FBXL17: variants seen among roughly 807,000 people sequenced by gnomAD.
FBXL17 encodes the protein F-box and leucine rich repeat protein 17.
A neutral mutation model predicts 66.2 loss-of-function variants in FBXL17; 22 were observed. The observed-to-expected ratio is 0.33, with a 90% confidence interval of 0.24 to 0.47. The LOEUF (loss-of-function observed/expected upper bound fraction) is 0.47, where lower values mean the gene tolerates loss of function less well. Among genes scored for constraint, FBXL17 ranks in the 20% least tolerant of loss-of-function variants. The probability of loss-of-function intolerance (pLI) is 1.00; values close to 1 mark genes in which losing one functional copy is unlikely to be tolerated. For missense variants in FBXL17, 878 were observed against 948.2 expected (o/e 0.93, Z 0.97); for synonymous variants, 474 against 400.5 (o/e 1.18, Z -2.19).
At chr5:108,179,974 T>C (rs1242890905) in intron 6 of FBXL17, among the ~76,000 whole-genome samples, 1 of 152,144 alleles carries the variant, frequency 6.6e-6, no homozygotes, top group Admixed American at 6.5e-5. Flanking sequence ...GAACAGTCCA[T>C]TCATCATCCT....
chr5:108,201,228 C>T lies in FBXL17; in HGVS notation c.1615-14981G>A, dbSNP rs184961342. Among the ~76,000 whole-genome samples, 90 of 152,240 alleles carry T rather than the reference C, an allele frequency of 5.9e-4. 1 individual carries two copies. The highest frequency in any genetic ancestry group is 4.7e-4 in the Non-Finnish European group (32 of 68,006). ...CTTTCGTTCATCAGTATAGACTTCA[C>T]ACAACATTAAACAAAATTGCAAAGA... On this transcript the variant is annotated intron_variant, in intron 5 of 8. Coordinates refer to ENST00000542267, the MANE Select transcript of FBXL17 (RefSeq NM_001163315.3).
At chr5:108,214,294 C>T (rs1186343592) in intron 5 of FBXL17, among the ~76,000 whole-genome samples, 2 of 151,684 alleles carry the variant, frequency 1.3e-5, no homozygotes, top group African/African-American at 2.4e-5. Flanking sequence ...GGGGGAATTA[C>T]TGTATATGTC....
chr5:108,314,402 A>G (rs951399822), intron 4 of FBXL17, among the ~76,000 whole-genome samples: 1 of 151,686 alleles, frequency 6.6e-6, no homozygotes, highest in Admixed American at 6.6e-5. Flanking sequence ...GTGAAAACAT[A>G]AAATTCCTAA....
At chr5:108,040,400 T>C (rs1354291788) in intron 6 of FBXL17, among the ~76,000 whole-genome samples, 1 of 152,160 alleles carries the variant, frequency 6.6e-6, no homozygotes, top group Non-Finnish European at 1.5e-5. Context: ...CCACCATATA[T>C]GACCTAAAGT....
intron 7 of FBXL17, among the ~76,000 whole-genome samples, chr5:107,900,644 T>C (rs1312733108): frequency 6.6e-6 from 1 of 151,974 alleles, no homozygotes; most frequent in Non-Finnish European, 1.5e-5. Flanking sequence ...AAATTATTTG[T>C]GTGCATTAAA....
chr5:108,171,398 GCTAT>G (rs1752600617), intron 6 of FBXL17, among the ~76,000 whole-genome samples: 1 of 152,098 alleles, frequency 6.6e-6, no homozygotes. Flanking sequence ...CTCTGCACTT[GCTAT>G]CTGTGATCTT....
chr5:108,228,457 T>A (rs2150082077), intron 4 of FBXL17, among the ~76,000 whole-genome samples: 1 of 152,294 alleles, frequency 6.6e-6, no homozygotes, highest in South Asian at 2.1e-4. Flanking sequence ...TGTGTGATTT[T>A]CAACAAGTCA....
intron 6 of FBXL17, among the ~76,000 whole-genome samples, chr5:108,099,122 G>A (rs1411985222): frequency 6.6e-6 from 1 of 152,060 alleles, no homozygotes; most frequent in Non-Finnish European, 1.5e-5. Flanking sequence ...AGCTTTTCCA[G>A]TGGGAATCCA....
chr5:108,147,115 A>T (rs1209688792), intron 6 of FBXL17, among the ~76,000 whole-genome samples: 2 of 152,168 alleles, frequency 1.3e-5, no homozygotes, highest in Non-Finnish European at 2.9e-5. Flanking sequence ...ACTTCCCAAA[A>T]GTCTCTACCT....
chr5:108,370,922 G>A (rs764598742), intron 1 of FBXL17, among the ~76,000 whole-genome samples: 2 of 151,912 alleles, frequency 1.3e-5, no homozygotes, highest in Non-Finnish European at 1.5e-5. Context: ...ATTGTGGAAG[G>A]GTGCCAAAAT....
chr5:108,312,551 C>A (rs962960466), intron 4 of FBXL17, among the ~76,000 whole-genome samples: 1 of 151,816 alleles, frequency 6.6e-6, no homozygotes, highest in Non-Finnish European at 1.5e-5. Flanking sequence ...CTTTTATAAA[C>A]CTAAGTTACA....
chr5:107,909,814 T>C (rs964689234), intron 7 of FBXL17, among the ~76,000 whole-genome samples: 6 of 152,180 alleles, frequency 3.9e-5, no homozygotes, highest in Non-Finnish European at 5.9e-5. Flanking sequence ...AGCCTCACTC[T>C]TGAAGCACTG....
intron 8 of FBXL17, among the ~76,000 whole-genome samples, chr5:107,870,327 C>T (rs1235976176): frequency 6.6e-6 from 1 of 152,134 alleles, no homozygotes; most frequent in Non-Finnish European, 1.5e-5. Flanking sequence ...CTTATTAGCC[C>T]TTCTTTTTTC....
At chr5:108,001,154 A>G (rs1285876079) in intron 7 of FBXL17, among the ~76,000 whole-genome samples, 1 of 152,218 alleles carries the variant, frequency 6.6e-6, no homozygotes, top group Non-Finnish European at 1.5e-5. Flanking sequence ...GTGGTAGTAC[A>G]CGTTGCTAGC....
At chr5:107,869,923 G>A (rs1748392502) in intron 8 of FBXL17, among the ~76,000 whole-genome samples, 1 of 152,294 alleles carries the variant, frequency 6.6e-6, no homozygotes, top group East Asian at 1.9e-4. Flanking sequence ...TATGATAAAT[G>A]TTTACTGACA....
At position 108,319,144 on chromosome 5, in the gene FBXL17, A is replaced by G. The variant is rs1206241458; in HGVS notation, c.1506+29255T>C. Among the ~76,000 whole-genome samples the G allele has an allele frequency of 2.0e-5, 3 of 151,896 alleles. No homozygotes were observed. In the East Asian group the frequency reaches 5.8e-4, roughly 29 times the overall value. On this transcript the variant is annotated intron_variant, in intron 4 of 8. Transcript: ENST00000542267. Reference sequence around the variant, plus strand: ...TAAATAAGCCATTCCACTTAAACTTATTTATCTTCTGTGTAATAGTGTTAA... The same window carrying G: ...TAAATAAGCCATTCCACTTAAACTTGTTTATCTTCTGTGTAATAGTGTTAA...
chr5:107,963,132 A>C lies in FBXL17; in HGVS notation c.1822+57793T>G, dbSNP rs1024788833. On this transcript the variant is annotated intron_variant, in intron 7 of 8. Transcript: ENST00000542267. ...TAAGATTCTGGTGTCCTGATCTTTTACTAAAGTACTCATATTTTATAAACT... is the reference window on the plus strand; with the variant it reads ...TAAGATTCTGGTGTCCTGATCTTTTCCTAAAGTACTCATATTTTATAAACT... 2.4e-4 allele frequency among the ~76,000 whole-genome samples: 37 copies of C among 152,288 alleles called. 1 individual carries two copies. The highest frequency in any genetic ancestry group is 8.9e-4 in the African/African-American group (37 of 41,582).
intron 1 of FBXL17, among the ~76,000 whole-genome samples, chr5:108,369,717 C>T (rs1748905635): frequency 6.6e-6 from 1 of 151,796 alleles, no homozygotes; most frequent in African/African-American, 2.4e-5. Flanking sequence ...CAATACAAAT[C>T]TTGGAAAATT....
intron 6 of FBXL17, among the ~76,000 whole-genome samples, chr5:108,155,576 T>C (rs894249278): frequency 1.3e-5 from 2 of 152,012 alleles, no homozygotes; most frequent in Admixed American, 1.3e-4. Flanking sequence ...CTAGGAGGGG[T>C]AAAACTCTCT....
Sources: allele counts gnomAD v4.1 joint callset (sites outside exome capture counted in the v4.1 genomes callset), GRCh38; gene constraint gnomAD v4.1.1; transcripts MANE v1.5; gene names NCBI Gene and HGNC (gene_info 2026-07-23, HGNC 2026-07-21).